The following NR2F1-AS1 variants were observed in gnomAD, a reference collection of about 807,000 sequenced individuals.
NR2F1-AS1 encodes NR2F1 antisense RNA 1.
chr5:93,545,896 A>G (rs1003471580), intron 4 of NR2F1-AS1, among the ~76,000 whole-genome samples: 5 of 152,226 alleles, frequency 3.3e-5, no homozygotes, highest in African/African-American at 1.2e-4. Context: ...AATTTCATCC[A>G]CGGAAGTCTA....
intron 4 of NR2F1-AS1, among the ~76,000 whole-genome samples, chr5:93,467,068 T>C (rs1750255120): frequency 1.3e-5 from 2 of 152,090 alleles, no homozygotes; most frequent in Non-Finnish European, 2.9e-5. Flanking sequence ...GCCTGGATAA[T>C]TTTCTGTAGT....
At chr5:93,492,342 C>T (rs1159431185) in intron 4 of NR2F1-AS1, among the ~76,000 whole-genome samples, 1 of 152,148 alleles carries the variant, frequency 6.6e-6, no homozygotes, top group Non-Finnish European at 1.5e-5. Context: ...TGCTACATGG[C>T]TTCACTGTTT....
intron 4 of NR2F1-AS1, chr5:93,544,988 A>T (rs1752048845): frequency 6.6e-6 from 1 of 152,094 alleles, no homozygotes; most frequent in South Asian, 2.1e-4. Context: ...TGATATCAGA[A>T]ATTATAAGAA....
intron 4 of NR2F1-AS1, among the ~76,000 whole-genome samples, chr5:93,448,117 A>G (rs1363357716): frequency 6.6e-6 from 1 of 152,122 alleles, no homozygotes; most frequent in Non-Finnish European, 1.5e-5. Flanking sequence ...GTTAATGGGT[A>G]CAGCACACCA....
At chr5:93,482,766 G>C (rs911166713) in intron 4 of NR2F1-AS1, among the ~76,000 whole-genome samples, 3 of 152,184 alleles carry the variant, frequency 2.0e-5, no homozygotes, top group Non-Finnish European at 4.4e-5. Context: ...CTTGGTGGAG[G>C]GAGAGGCGTC....
intron 4 of NR2F1-AS1, among the ~76,000 whole-genome samples, chr5:93,459,690 C>T (rs1277814831): frequency 2.0e-5 from 3 of 152,200 alleles, no homozygotes; most frequent in East Asian, 1.9e-4. Context: ...TCCTTAGATT[C>T]GTCATCCATG....
At chr5:93,566,101 A>G (rs1037160720) in intron 1 of NR2F1-AS1, among the ~76,000 whole-genome samples, 26 of 151,990 alleles carry the variant, frequency 1.7e-4, no homozygotes, top group African/African-American at 6.3e-4. Flanking sequence ...GCCTATCTAA[A>G]TATCTACATA....
At chr5:93,529,945 C>G (rs1249604428) in intron 4 of NR2F1-AS1, among the ~76,000 whole-genome samples, 1 of 152,052 alleles carries the variant, frequency 6.6e-6, no homozygotes, top group Non-Finnish European at 1.5e-5. Flanking sequence ...AAAACTATGG[C>G]TCAAACATGT....
At chr5:93,416,132 G>A (rs1748963200) in intron 4 of NR2F1-AS1, among the ~76,000 whole-genome samples, 2 of 152,082 alleles carry the variant, frequency 1.3e-5, no homozygotes, top group South Asian at 2.1e-4. Context: ...ATGAAACAGG[G>A]GAAACAAGAA....
intron 2 of NR2F1-AS1, among the ~76,000 whole-genome samples, chr5:93,558,289 A>G (rs558149557): frequency 3.8e-4 from 57 of 151,614 alleles, no homozygotes; most frequent in African/African-American, 1.3e-3. Context: ...ATCACTACGT[A>G]TGGCAGCTAT....
At chr5:93,453,305 TAC>T (rs1332089660) in intron 4 of NR2F1-AS1, among the ~76,000 whole-genome samples, 1 of 151,880 alleles carries the variant, frequency 6.6e-6, no homozygotes, top group Non-Finnish European at 1.5e-5. Context: ...TAGTCTCAGG[TAC>T]CTGTACGACC....
upstream of NR2F1-AS1, among the ~76,000 whole-genome samples, chr5:93,581,676 CT>C (rs1561518952): frequency 6.6e-5 from 2 of 30,432 alleles, no homozygotes; most frequent in East Asian, 8.7e-4. Flanking sequence ...CGGTCTCTCT[CT>C]CTCTCTCTCT....
chr5:93,434,014 T>C (rs1749381540), intron 4 of NR2F1-AS1, among the ~76,000 whole-genome samples: 6 of 152,316 alleles, frequency 3.9e-5, no homozygotes, highest in Admixed American at 3.3e-4. Context: ...ATGCTCTTTT[T>C]TTCCCATATG....
At chr5:93,507,709 C>A (rs1751216356) in intron 4 of NR2F1-AS1, among the ~76,000 whole-genome samples, 1 of 152,018 alleles carries the variant, frequency 6.6e-6, no homozygotes, top group African/African-American at 2.4e-5. Context: ...TTATTATTTA[C>A]AAATAACATG....
chr5:93,558,496 A>G (rs1450537277), intron 2 of NR2F1-AS1, among the ~76,000 whole-genome samples: 3 of 151,702 alleles, frequency 2.0e-5, no homozygotes, highest in Non-Finnish European at 4.4e-5. Flanking sequence ...AATTTTTTGT[A>G]TTTTTAGTAG....
intron 2 of NR2F1-AS1, among the ~76,000 whole-genome samples, chr5:93,556,957 A>T (rs2149916359): frequency 6.6e-6 from 1 of 152,284 alleles, no homozygotes; most frequent in Middle Eastern, 3.4e-3. Context: ...AAACAAAAAC[A>T]TTTGTAAGAT....
intron 4 of NR2F1-AS1, among the ~76,000 whole-genome samples, chr5:93,442,640 C>G (rs761308462): frequency 1.3e-5 from 2 of 152,196 alleles, no homozygotes; most frequent in African/African-American, 2.4e-5. Context: ...TAAAAGGCAG[C>G]AGAAACTTGT....
At chr5:93,508,802 C>T (rs536430476) in intron 4 of NR2F1-AS1, among the ~76,000 whole-genome samples, 1 of 152,092 alleles carries the variant, frequency 6.6e-6, no homozygotes, top group Admixed American at 6.5e-5. Flanking sequence ...GGTTGTTCAT[C>T]CTCACTATTA....
intron 1 of NR2F1-AS1, among the ~76,000 whole-genome samples, chr5:93,564,146 A>C (rs1752563370): frequency 7.6e-6 from 1 of 132,118 alleles, no homozygotes; most frequent in South Asian, 2.3e-4. Context: ...AAAAAAAAAA[A>C]AAAACACACA....
Sources: allele counts gnomAD v4.1 joint callset (sites outside exome capture counted in the v4.1 genomes callset), GRCh38; gene constraint gnomAD v4.1.1; transcripts MANE v1.5; gene names NCBI Gene and HGNC (gene_info 2026-07-23, HGNC 2026-07-21).